SMU1: variants seen among roughly 807,000 people sequenced by gnomAD.
SMU1 encodes WD40 repeat-containing protein SMU1.
A neutral mutation model predicts 62.0 loss-of-function variants in SMU1; 2 were observed. The ratio of observed to expected loss-of-function variants is 0.03; its 90% confidence interval spans 0.01 to 0.10. The LOEUF (loss-of-function observed/expected upper bound fraction) is 0.10. Among genes scored for constraint, SMU1 ranks in the 10% least tolerant of loss-of-function variants. SMU1 has a pLI of 1.00. For missense variants in SMU1, 227 were observed against 622.1 expected (o/e 0.36, Z 6.76); for synonymous variants, 188 against 212.4 (o/e 0.89, Z 1.00).
intron 2 of SMU1, among the ~76,000 whole-genome samples, chr9:33,072,476 G>A (rs1454030954): frequency 6.6e-6 from 1 of 152,188 alleles, no homozygotes; most frequent in East Asian, 1.9e-4. Flanking sequence ...ATGGGCTCCA[G>A]AGAAACCTTT....
intron 10 of SMU1, among the ~76,000 whole-genome samples, chr9:33,049,566 C>T (rs1450124573): frequency 6.6e-6 from 1 of 152,142 alleles, no homozygotes; most frequent in East Asian, 1.9e-4. Context: ...ACTCCTAAGA[C>T]ATGATCCATG....
chr9:33,073,468 C>A, intron 2 of SMU1, 128 bp downstream of exon 2: 1 of 620,060 alleles, frequency 1.6e-6, no homozygotes. Flanking sequence ...CAATGTCAAG[C>A]CTTGCCATTG....
At chr9:33,066,761 G>A (rs1008074305) in intron 4 of SMU1, among the ~76,000 whole-genome samples, 13 of 151,742 alleles carry the variant, frequency 8.6e-5, no homozygotes, top group Non-Finnish European at 1.3e-4. Context: ...AGCCAAGATC[G>A]TGCCACTGCA....
In SMU1 at chr9:33,046,642, G is replaced by A. The variant is rs1044530499; in HGVS notation, c.*651C>T. ...ATGGTGGCTCACGCCTGTGATCCCA[G>A]CACTTTGGGAGGCCAAGGCGGGTGG... On this transcript the variant is annotated 3_prime_UTR_variant, in exon 12 of 12. Transcript: ENST00000397149. The A allele has an allele frequency of 6.7e-6, 1 of 149,688 alleles. No homozygotes were observed. The highest frequency in any genetic ancestry group is 1.5e-5 in the Non-Finnish European group (1 of 67,808). The allele number at this position is 149,688 out of a possible 1,614,324, so 9.3% of individuals were successfully genotyped here.
Position 33,056,914 on chromosome 9 carries a change from G to A in SMU1, c.918C>T (p.His306=), listed in dbSNP as rs769685464. 48 of 1,613,254 alleles carry A rather than the reference G, an allele frequency of 3.0e-5. No homozygotes were observed. The highest frequency in any genetic ancestry group is 4.1e-5 in the Non-Finnish European group (48 of 1,179,690). The change falls in exon 8 of 12, where the codon CAC becomes CAT. Residue 306 remains histidine, a synonymous_variant. Transcript: ENST00000397149. The part of the protein sequence containing the change: ...GQCLRRFERA[H]SKGVTCLSFS... ...AGCTTAGACAGGTGACACCCTTACT[G>A]TGTGCCCTCTCAAATCTCCTTAAAC...
intron 2 of SMU1, among the ~76,000 whole-genome samples, chr9:33,072,754 C>A (rs926772848): frequency 6.8e-6 from 1 of 147,490 alleles, no homozygotes; most frequent in African/African-American, 2.5e-5. Flanking sequence ...GCTTGAACCC[C>A]GGAGATGGAG....
chr9:33,070,669 T>C (rs1328785883), intron 3 of SMU1, among the ~76,000 whole-genome samples: 2 of 152,210 alleles, frequency 1.3e-5, no homozygotes, highest in African/African-American at 4.8e-5. Context: ...ATGAGGTACA[T>C]GTACACAATG....
At chr9:33,059,446 ATT>A (rs1395438365) in intron 6 of SMU1, among the ~76,000 whole-genome samples, 2 of 151,386 alleles carry the variant, frequency 1.3e-5, no homozygotes, top group East Asian at 4.0e-4. Flanking sequence ...TGAAAAAAAA[ATT>A]TGTTTTTTGC....
intron 4 of SMU1, among the ~76,000 whole-genome samples, chr9:33,068,254 T>C (rs566751033): frequency 2.0e-5 from 3 of 152,254 alleles, no homozygotes; most frequent in African/African-American, 7.2e-5. Context: ...GGCATAGGGA[T>C]CAACTGTACT....
chr9:33,061,644 A>C (rs1839363203), intron 5 of SMU1, among the ~76,000 whole-genome samples: 4 of 152,244 alleles, frequency 2.6e-5, no homozygotes, highest in Admixed American at 2.6e-4. Context: ...CTCAAACATC[A>C]CATAAGCCCA....
intron 4 of SMU1, among the ~76,000 whole-genome samples, chr9:33,065,316 AG>A (rs1839407680): frequency 6.6e-6 from 1 of 152,174 alleles, no homozygotes; most frequent in Non-Finnish European, 1.5e-5. Flanking sequence ...CACTCAAACC[AG>A]AAACTAAAGG....
At chr9:33,075,796 GTTAAT>G (rs1304611160) in intron 1 of SMU1, among the ~76,000 whole-genome samples, 3 of 152,158 alleles carry the variant, frequency 2.0e-5, no homozygotes, top group Non-Finnish European at 4.4e-5. Flanking sequence ...TTTTATGTCT[GTTAAT>G]TTAATTATTA....
chr9:33,071,799 G>T lies in SMU1; in HGVS notation c.331C>A (p.Pro111Thr). Reference sequence around the variant, plus strand: ...TTCTCCAGATGAATATATCGCTCTGGCTGTGTTTGTTTTAACATGATCATG... The same window carrying T: ...TTCTCCAGATGAATATATCGCTCTGTCTGTGTTTGTTTTAACATGATCATG... ...DPMIMLKQTQ[P>T]ERYIHLENLL... Residue 111 changes from proline (P) to threonine (T), a missense_variant, in exon 3 of 12, where the codon CCA (proline) becomes ACA (threonine). Physicochemically the swap from Pro to Thr is conservative, Grantham distance 38. Coordinates refer to ENST00000397149, the MANE Select transcript of SMU1 (RefSeq NM_018225.3). 1 of 1,610,574 alleles carries T rather than the reference G, an allele frequency of 6.2e-7. No homozygotes were observed. The highest frequency in any genetic ancestry group is 1.1e-5 in the South Asian group (1 of 90,066).
chr9:33,060,466 T>C lies in SMU1; in HGVS notation c.749A>G (p.Lys250Arg), dbSNP rs753832537. The C allele has an allele frequency of 6.3e-7, 1 of 1,596,988 alleles. No homozygotes were observed. The highest frequency in any genetic ancestry group is 8.5e-7 in the Non-Finnish European group (1 of 1,176,416). Residue 250 changes from lysine (K) to arginine (R), a missense_variant and splice_region_variant, in exon 6 of 12, where the codon AAG becomes AGG. Around this residue, in one of 5 missense-constraint regions of SMU1, gnomAD observed 5 missense variants for 19.3 expected, o/e 0.26. Transcript: ENST00000397149. ...VWNFTTGKIR[K>R]DLKYQAQDNF... Reference sequence around the variant, plus strand: ...GTTAACACATTTAAAATACTTTACCTTTCTGATTTTTCCAGTAGTAAAGTT... The same window carrying C: ...GTTAACACATTTAAAATACTTTACCCTTCTGATTTTTCCAGTAGTAAAGTT...
rs565734597 is a variant in SMU1, at chr9:33,042,650, C to T, written c.*4643G>A. The T allele has an allele frequency of 2.0e-5, 3 of 152,338 alleles. No individual in the cohort carries two copies. The highest frequency in any genetic ancestry group is 3.9e-4 in the East Asian group (2 of 5,190). The allele number at this position is 152,338 out of a possible 1,614,324, so 9.4% of individuals were successfully genotyped here. ...ATTAAAACACTCATCAGGTCCCACC[C>T]TCCAGGGATTCTGTATAACTCGGCT... is the stretch of plus-strand genomic sequence containing the variant. On this transcript the variant is annotated 3_prime_UTR_variant, in exon 12 of 12. Transcript: ENST00000397149.
At position 33,066,591 on chromosome 9, in the gene SMU1, A is replaced by G. The variant is rs1175240134; in HGVS notation, c.501+2233T>C. 4.0e-5 allele frequency among the ~76,000 whole-genome samples: 6 copies of G among 151,018 alleles called. No homozygotes were observed. In the East Asian group the frequency reaches 1.2e-3, roughly 30 times the overall value. ...GGGAGGCCGAGGTGGGCAGATCACG[A>G]GGTCAAGAGATCGAGACCATCCTGG... is the stretch of plus-strand genomic sequence containing the variant. On this transcript the variant is annotated intron_variant, in intron 4 of 11. Coordinates refer to ENST00000397149, the MANE Select transcript of SMU1 (RefSeq NM_018225.3).
chr9:33,070,309 A>G (rs750253907), intron 3 of SMU1, among the ~76,000 whole-genome samples: 3 of 152,236 alleles, frequency 2.0e-5, no homozygotes, highest in Non-Finnish European at 4.4e-5. Flanking sequence ...CATTAGAGAA[A>G]TGCAAATCAA....
intron 6 of SMU1, among the ~76,000 whole-genome samples, chr9:33,058,048 GAAACT>G (rs1839321032): frequency 6.6e-6 from 1 of 152,068 alleles, no homozygotes; most frequent in African/African-American, 2.4e-5. Flanking sequence ...TATGATGTGG[GAAACT>G]AAACTAATAT....
In SMU1 at chr9:33,056,096, G is replaced by A. The variant is rs780022503; in HGVS notation, c.1122+17C>T. On this transcript the variant is annotated intron_variant, in intron 9 of 11. Coordinates refer to ENST00000397149, the MANE Select transcript of SMU1 (RefSeq NM_018225.3). ...TGGGGTAGACATCCCAAAATAAACT[G>A]ATAGCAAATACTTAACCTTTACAGT... 2.5e-6 allele frequency: 4 copies of A among 1,592,412 alleles called. No individual in the cohort carries two copies. The highest frequency in any genetic ancestry group is 3.4e-6 in the Non-Finnish European group (4 of 1,167,780).
Sources: allele counts gnomAD v4.1 joint callset (sites outside exome capture counted in the v4.1 genomes callset), GRCh38; gene constraint gnomAD v4.1.1; regional missense constraint gnomAD v4.1.1; transcripts MANE v1.5; gene names NCBI Gene and HGNC (gene_info 2026-07-23, HGNC 2026-07-21).